The following MRPL13 variants were observed in gnomAD, a reference collection of about 807,000 sequenced individuals.
MRPL13 encodes mitochondrial ribosomal protein L13.
A neutral mutation model predicts 29.0 loss-of-function variants in MRPL13; 33 were observed. The ratio of observed to expected loss-of-function variants is 1.14; its 90% CI spans 0.86 to 1.52. The LOEUF (loss-of-function observed/expected upper bound fraction) is 1.52. MRPL13 is among the 40% of genes most tolerant of loss of function. The pLI is 0.00. For missense variants in MRPL13, 227 were observed against 216.7 expected, an observed-to-expected ratio of 1.05 and a Z score of -0.30; for synonymous variants, 77 against 68.4, an observed-to-expected ratio of 1.13 and a Z score of -0.62.
Position 120,405,692 on chromosome 8 carries a change from G to C in MRPL13, c.515+8299C>G, listed in dbSNP as rs185954048. On this transcript the variant is annotated intron_variant, in intron 6 of 6. Coordinates refer to ENST00000306185, the MANE Select transcript of MRPL13 (RefSeq NM_014078.6). ...CCTGGTTCTTTTCTCCCAAACTGTA[G>C]TTCAAGCAGCTTTAGTACTCAGCAA... Among the ~76,000 whole-genome samples, 33 of 152,238 alleles carry C rather than the reference G, an allele frequency of 2.2e-4. No individual in the cohort carries two copies. In the East Asian group the frequency reaches 6.4e-3, roughly 29 times the overall value.
At chr8:120,411,193 C>T (rs1043418304) in intron 6 of MRPL13, among the ~76,000 whole-genome samples, 1 of 152,080 alleles carries the variant, frequency 6.6e-6, no homozygotes, top group African/African-American at 2.4e-5. Context: ...TACCAAGTAG[C>T]TGGGACTACA....
At chr8:120,444,645 G>A (rs1813178972) in intron 1 of MRPL13, among the ~76,000 whole-genome samples, 1 of 152,052 alleles carries the variant, frequency 6.6e-6, no homozygotes, top group African/African-American at 2.4e-5. Flanking sequence ...TTTCTGAACA[G>A]TCTATTCTCG....
chr8:120,407,167 A>C, intron 6 of MRPL13, among the ~76,000 whole-genome samples: 1 of 152,216 alleles, frequency 6.6e-6, no homozygotes, highest in East Asian at 1.9e-4. Context: ...AGCAGATTCA[A>C]ATTCAGAATT....
At chr8:120,412,398 C>G (rs1812749083) in intron 6 of MRPL13, among the ~76,000 whole-genome samples, 1 of 152,162 alleles carries the variant, frequency 6.6e-6, no homozygotes, top group African/African-American at 2.4e-5. Flanking sequence ...CTATTAAAAA[C>G]TTAGTCAACA....
intron 3 of MRPL13, among the ~76,000 whole-genome samples, chr8:120,425,906 T>C (rs1427492800): frequency 6.6e-6 from 1 of 152,072 alleles, no homozygotes. Context: ...GATTATTCTT[T>C]ATAAAATGAA....
intron 2 of MRPL13, among the ~76,000 whole-genome samples, chr8:120,435,133 T>C (rs1166787594): frequency 6.6e-6 from 1 of 152,190 alleles, no homozygotes; most frequent in Non-Finnish European, 1.5e-5. Flanking sequence ...ATCCACTTGC[T>C]ATGTATTACA....
At chr8:120,401,681 G>T (rs1323575042) in intron 6 of MRPL13, among the ~76,000 whole-genome samples, 2 of 152,020 alleles carry the variant, frequency 1.3e-5, no homozygotes, top group African/African-American at 4.8e-5. Flanking sequence ...ATAAATAAAA[G>T]GTATTCAAAT....
At chr8:120,435,705 T>A (rs796126094) in intron 2 of MRPL13, among the ~76,000 whole-genome samples, 1 of 152,204 alleles carries the variant, frequency 6.6e-6, no homozygotes, top group African/African-American at 2.4e-5. Context: ...ATCACCAAAT[T>A]GCTTTCCAGA....
chr8:120,403,603 C>A (rs1423579285), intron 6 of MRPL13, among the ~76,000 whole-genome samples: 1 of 152,240 alleles, frequency 6.6e-6, no homozygotes, highest in South Asian at 2.1e-4. Context: ...CAAACCTGTA[C>A]AACCTGCACG....
intron 6 of MRPL13, among the ~76,000 whole-genome samples, chr8:120,412,688 A>G (rs1812753494): frequency 6.6e-6 from 1 of 152,184 alleles, no homozygotes; most frequent in Non-Finnish European, 1.5e-5. Context: ...CTGAGTGCCC[A>G]TTATGCACCA....
Position 120,425,382 on chromosome 8 carries a change from A to T in MRPL13, c.246-16T>A. On this transcript the variant is annotated splice_polypyrimidine_tract_variant and intron_variant, in intron 3 of 6. Transcript: ENST00000306185. The stretch of plus-strand genomic sequence containing the variant: ...ACCTGGGTAGCTGTTAAAAGGAGAA[A>T]AGACATTAAAACTGGGCATAGGCTG... The T allele has an allele frequency of 6.3e-7, 1 of 1,598,908 alleles. No homozygotes were observed. Among genetic ancestry groups the T allele is most frequent in the South Asian group, 1.1e-5 (1 of 90,586 alleles).
At chr8:120,437,877 CA>C (rs576636618) in intron 2 of MRPL13, among the ~76,000 whole-genome samples, 35 of 151,446 alleles carry the variant, frequency 2.3e-4, no homozygotes, top group African/African-American at 7.3e-4. Flanking sequence ...GGTCAATTTT[CA>C]AAAAAAATAT....
chr8:120,431,963 GAAC>G (rs1159295710), intron 3 of MRPL13, 64 bp downstream of exon 3: 38 of 1,110,346 alleles, frequency 3.4e-5, no homozygotes, highest in Non-Finnish European at 4.7e-5. Flanking sequence ...TTTTAAGTAA[GAAC>G]AACTGTATTC....
At chr8:120,439,237 A>G (rs1216408440) in intron 2 of MRPL13, among the ~76,000 whole-genome samples, 1 of 152,190 alleles carries the variant, frequency 6.6e-6, no homozygotes, top group Non-Finnish European at 1.5e-5. Context: ...ATGTAGTGCT[A>G]TGTTTCTGGC....
intron 6 of MRPL13, among the ~76,000 whole-genome samples, chr8:120,399,165 AG>A (rs1812559345): frequency 6.6e-6 from 1 of 152,194 alleles, no homozygotes; most frequent in Admixed American, 6.5e-5. Flanking sequence ...GTACTCCATG[AG>A]AAAAGCAACT....
intron 3 of MRPL13, 122 bp from the exon 4 acceptor site, chr8:120,425,488 G>T: frequency 1.6e-6 from 1 of 627,320 alleles, no homozygotes; most frequent in Non-Finnish European, 2.6e-6. Flanking sequence ...TTTCATTAGT[G>T]TTTTCAAAAT....
chr8:120,402,314 T>C (rs977876147), intron 6 of MRPL13, among the ~76,000 whole-genome samples: 6 of 152,008 alleles, frequency 3.9e-5, no homozygotes, highest in African/African-American at 1.4e-4. Flanking sequence ...CATAGACCAA[T>C]GGAACAGAAT....
intron 5 of MRPL13, chr8:120,415,299 A>C (rs1161116663): frequency 6.6e-6 from 1 of 152,168 alleles, no homozygotes; most frequent in African/African-American, 2.4e-5. Flanking sequence ...TCTTCTCATT[A>C]TAGTATGTGT....
intron 6 of MRPL13, among the ~76,000 whole-genome samples, chr8:120,408,684 T>C (rs552748113): frequency 3.3e-5 from 5 of 152,238 alleles, no homozygotes; most frequent in Admixed American, 6.5e-5. Flanking sequence ...CAGCAACTTA[T>C]GGATTAGAAA....
Sources: gnomAD v4.1 joint callset for allele counts (sites outside exome capture counted in the v4.1 genomes callset) on GRCh38, gnomAD v4.1.1 for gene constraint, MANE v1.5 for transcripts, NCBI Gene and HGNC (gene_info 2026-07-23, HGNC 2026-07-21) for gene names.